MAPRE2: variants seen among roughly 807,000 people sequenced by gnomAD.
The protein encoded by MAPRE2 is microtubule-associated protein RP/EB family member 2.
MAPRE2 carries 13 observed loss-of-function variants against 43.2 expected under a neutral mutation model. That is an observed-to-expected ratio of 0.30 (90% CI 0.20 to 0.48). The LOEUF is 0.48. Ranked by LOEUF, MAPRE2 falls within the 20% of genes least tolerant of loss-of-function variation. The pLI, the probability that MAPRE2 is intolerant of heterozygous loss-of-function variation, is 0.99. For missense variants in MAPRE2, 161 were observed against 400.2 expected (o/e 0.40, Z 5.10); for synonymous variants, 135 against 148.8 (o/e 0.91, Z 0.68).
chr18:35,029,237 A>G (rs1361230538), intron 2 of MAPRE2, among the ~76,000 whole-genome samples: 2 of 152,108 alleles, frequency 1.3e-5, no homozygotes, highest in East Asian at 3.8e-4. Context: ...CTTTTTAAAA[A>G]TTTTATTTGG....
rs555011338 is a variant in MAPRE2 at position 34,989,295 on chromosome 18, T to C, written c.-70+12216T>C. ...CCCTTAGCATTTGTAATGTTCCCTT[T>C]ATCCAGCTTAATGTCTCTAGCTTTG... is the stretch of plus-strand genomic sequence containing the variant. On this transcript the variant is annotated intron_variant, in intron 1 of 7. Transcript: ENST00000413393. Among the ~76,000 whole-genome samples the C allele has an allele frequency of 3.3e-5, 5 of 152,318 alleles. No homozygotes were observed. In the South Asian group the frequency reaches 1.0e-3, roughly 32 times the overall value.
chr18:35,069,191 T>C (rs898963510), intron 1 of MAPRE2, among the ~76,000 whole-genome samples: 1 of 152,042 alleles, frequency 6.6e-6, no homozygotes, highest in Non-Finnish European at 1.5e-5. Context: ...TTTTTTTTAA[T>C]TGCAAGGAAA....
At chr18:34,990,972 G>A (rs2097023448) in intron 1 of MAPRE2, among the ~76,000 whole-genome samples, 1 of 152,216 alleles carries the variant, frequency 6.6e-6, no homozygotes, top group Non-Finnish European at 1.5e-5. Flanking sequence ...CTTGGGGACA[G>A]ATAATCTGAT....
rs186542097 is a variant in MAPRE2 at position 34,991,425 on chromosome 18, A to G, written c.-69-14067A>G. 3.3e-5 allele frequency among the ~76,000 whole-genome samples: 5 copies of G among 152,346 alleles called. No individual in the cohort carries two copies. The East Asian group carries it at 9.6e-4, about 29-fold the overall frequency. ...AAACAAGAAACGTCTGTCCTACAGA[A>G]CTATTATTTGCCTTATTTGAAAGGA... is the stretch of plus-strand genomic sequence containing the variant. On this transcript the variant is annotated intron_variant, in intron 1 of 7. Coordinates refer to the MAPRE2 transcript ENST00000413393.
At chr18:35,055,069 T>G (rs952593242) in intron 1 of MAPRE2, among the ~76,000 whole-genome samples, 1 of 152,228 alleles carries the variant, frequency 6.6e-6, no homozygotes, top group Admixed American at 6.5e-5. Context: ...AGTTCACAAA[T>G]GTACCAATGT....
intron 2 of MAPRE2, among the ~76,000 whole-genome samples, chr18:35,029,872 A>C (rs1177738426): frequency 4.6e-5 from 7 of 152,230 alleles, no homozygotes; most frequent in African/African-American, 1.2e-4. Flanking sequence ...TCAAATAGAC[A>C]TGTCTGTATC....
rs1376966533 is a variant in MAPRE2, at chr18:35,143,087, A to G, written c.*2718A>G. 6.6e-6 allele frequency: 1 copy of G among 150,750 alleles called. No individual in the cohort carries two copies. Among genetic ancestry groups the G allele is most frequent in the Non-Finnish European group, 1.5e-5 (1 of 67,788 alleles). The allele number at this position is 150,750 out of a possible 1,614,324, so 9.3% of individuals were successfully genotyped here. A position where few individuals can be genotyped will look rare whatever the true frequency, so the allele number is the denominator to read the frequency against. On this transcript the variant is annotated 3_prime_UTR_variant, in exon 7 of 7. Transcript: ENST00000300249. ...GAAAAGCAGGAAAAAAAAAAAAAAAAAAGAAAGAAAAACACCTGTTGACCT... is the reference window on the plus strand; with the variant it reads ...GAAAAGCAGGAAAAAAAAAAAAAAAGAAGAAAGAAAAACACCTGTTGACCT...
At chr18:35,024,889 G>C (rs1331216086) in intron 2 of MAPRE2, among the ~76,000 whole-genome samples, 3 of 152,086 alleles carry the variant, frequency 2.0e-5, no homozygotes, top group Non-Finnish European at 4.4e-5. Context: ...TTAATACAAT[G>C]ATGAATTTGC....
chr18:35,105,725 G>A (rs1239939760), intron 4 of MAPRE2, among the ~76,000 whole-genome samples: 3 of 151,842 alleles, frequency 2.0e-5, no homozygotes, highest in Non-Finnish European at 4.4e-5. Context: ...TTAGGGCAAG[G>A]AATATACAGG....
intron 1 of MAPRE2, among the ~76,000 whole-genome samples, chr18:35,059,203 G>A (rs749782786): frequency 6.6e-6 from 1 of 152,152 alleles, no homozygotes. Flanking sequence ...TATCCAACTG[G>A]TTGATAGTTC....
At chr18:35,016,564 G>C (rs2097038384) in intron 2 of MAPRE2, among the ~76,000 whole-genome samples, 1 of 151,992 alleles carries the variant, frequency 6.6e-6, no homozygotes, top group Non-Finnish European at 1.5e-5. Context: ...TAGTGATGTG[G>C]AGCATTTTTC....
intron 2 of MAPRE2, among the ~76,000 whole-genome samples, chr18:35,017,244 GT>G (rs140257488): frequency 0.14 from 17,600 of 124,932 alleles, 714 homozygotes; most frequent in South Asian, 0.16. Flanking sequence ...CGGTTTTGTT[GT>G]TTTTTTTTTT....
At chr18:35,117,543 C>T (rs1459768408) in intron 4 of MAPRE2, among the ~76,000 whole-genome samples, 1 of 152,190 alleles carries the variant, frequency 6.6e-6, no homozygotes, top group Non-Finnish European at 1.5e-5. Context: ...AGTGCAGTAG[C>T]ACCCTTGATG....
chr18:35,139,259 G>A (rs976574053), intron 6 of MAPRE2, among the ~76,000 whole-genome samples: 74 of 152,172 alleles, frequency 4.9e-4, no homozygotes, highest in African/African-American at 1.7e-3. Context: ...CCAGGTGTGC[G>A]AGGCATGGGC....
At chr18:35,004,692 C>T (rs1400807793) in intron 1 of MAPRE2, among the ~76,000 whole-genome samples, 1 of 152,178 alleles carries the variant, frequency 6.6e-6, no homozygotes, top group Non-Finnish European at 1.5e-5. Flanking sequence ...CCAAGGCAGG[C>T]GGATCGCGAG....
At chr18:35,134,781 C>T (rs541683510) in intron 6 of MAPRE2, among the ~76,000 whole-genome samples, 6 of 152,246 alleles carry the variant, frequency 3.9e-5, no homozygotes, top group South Asian at 2.1e-4. Flanking sequence ...GCCTCTTTTT[C>T]GGGGCATTCA....
chr18:35,116,516 G>A (rs1433571703), intron 4 of MAPRE2, among the ~76,000 whole-genome samples: 1 of 152,150 alleles, frequency 6.6e-6, no homozygotes, highest in Non-Finnish European at 1.5e-5. Flanking sequence ...CTCATGAAAG[G>A]CTCAACTGGG....
At chr18:35,099,114 G>A (rs1569002946) in intron 3 of MAPRE2, among the ~76,000 whole-genome samples, 2 of 152,150 alleles carry the variant, frequency 1.3e-5, no homozygotes, top group African/African-American at 2.4e-5. Context: ...AGAAGTAAAT[G>A]CCTTCTTTTA....
At position 35,015,962 on chromosome 18, in the gene MAPRE2, G is replaced by C. The variant is rs570864164; in HGVS notation, c.-8+10409G>C. 4.6e-4 allele frequency among the ~76,000 whole-genome samples: 70 copies of C among 151,826 alleles called. 1 individual carries two copies. Among genetic ancestry groups the C allele is most frequent in the Middle Eastern group, 6.8e-3 (2 of 294 alleles). On this transcript the variant is annotated intron_variant, in intron 2 of 7. Transcript: ENST00000413393. ...TTTCAACCCTTGCCCCCTTCCTTCTGCACTCTAGTAGTCCCCAGTTTCTAT... is the reference window on the plus strand; with the variant it reads ...TTTCAACCCTTGCCCCCTTCCTTCTCCACTCTAGTAGTCCCCAGTTTCTAT...
Sources: gnomAD v4.1 joint callset for allele counts (sites outside exome capture counted in the v4.1 genomes callset) on GRCh38, gnomAD v4.1.1 for gene constraint, MANE v1.5 for transcripts, NCBI Gene and HGNC (gene_info 2026-07-23, HGNC 2026-07-21) for gene names.